The following VCAN variants were observed in gnomAD, a reference collection of about 807,000 sequenced individuals.
VCAN encodes versican core protein.
In VCAN, 44 loss-of-function variants were observed where a neutral mutation model predicts 245.5. That is an observed-to-expected ratio of 0.18 (90% CI 0.14 to 0.23). The LOEUF (loss-of-function observed/expected upper bound fraction) is 0.23, where lower values mean the gene tolerates loss of function less well. VCAN is among the 10% of genes least tolerant of loss of function. The pLI, the probability that VCAN is intolerant of heterozygous loss-of-function variation, is 1.00. For synonymous variants in VCAN, 1,413 were observed against 1,437.0 expected, an observed-to-expected ratio of 0.98 and a Z score of 0.38; for missense variants, 3,793 against 4,057.9, an observed-to-expected ratio of 0.93 and a Z score of 1.77.
intron 7 of VCAN, among the ~76,000 whole-genome samples, chr5:83,526,166 C>T (rs1050296542): frequency 6.6e-6 from 1 of 152,146 alleles, no homozygotes; most frequent in Non-Finnish European, 1.5e-5. Flanking sequence ...GCTTGAACTC[C>T]TGACCTCATG....
At chr5:83,555,448 C>G (rs924047427) in intron 12 of VCAN, among the ~76,000 whole-genome samples, 3 of 152,200 alleles carry the variant, frequency 2.0e-5, no homozygotes, top group Non-Finnish European at 2.9e-5. Flanking sequence ...TAAGGCATGA[C>G]TCATTTCCAA....
chr5:83,493,446 A>G (rs1377569880), intron 3 of VCAN, 100 bp from the exon 4 acceptor site: 1 of 1,392,856 alleles, frequency 7.2e-7, no homozygotes, highest in African/African-American at 1.4e-5. Flanking sequence ...TATTATTACT[A>G]TGTATCCAAC....
rs755032654 is a variant in VCAN at position 83,493,916 on chromosome 5, G to A, written c.733G>A (p.Val245Met). ...PQETYDVYCY[V>M]DHLDGDVFHL... ...GGAAACTTACGATGTGTATTGTTAT[G>A]TGGATCATCTGGATGGTAAGATGTT... is the stretch of plus-strand genomic sequence containing the variant. Residue 245 changes from valine (V) to methionine (M), a missense_variant, in exon 5 of 15, where the codon GTG becomes ATG. Val to Met is a conservative substitution (Grantham distance 21). Transcript: ENST00000265077. 2 of 1,614,126 alleles carry A rather than the reference G, an allele frequency of 1.2e-6. No homozygotes were observed. The highest frequency in any genetic ancestry group is 8.5e-7 in the Non-Finnish European group (1 of 1,179,986).
chr5:83,506,907 G>A (rs1745498677), intron 5 of VCAN, among the ~76,000 whole-genome samples: 1 of 152,122 alleles, frequency 6.6e-6, no homozygotes. Context: ...AAACCCATGA[G>A]ATCTTTTGAG....
At position 83,521,184 on chromosome 5, in the gene VCAN, A is replaced by T. The variant is rs748289715; in HGVS notation, c.2878A>T (p.Thr960Ser). The T allele has an allele frequency of 6.2e-7, 1 of 1,613,266 alleles. No individual in the cohort carries two copies. The highest frequency in any genetic ancestry group is 1.3e-5 in the African/African-American group (1 of 74,902). The change falls in exon 7 of 15, where the codon ACC (threonine) becomes TCC (serine). Residue 960 changes from threonine (T) to serine (S), a missense_variant. Thr to Ser is a moderately conservative substitution (Grantham distance 58). This residue lies in a region of VCAN where 3,182 missense variants were observed against 3,250.3 expected (regional missense o/e 0.98). Transcript: ENST00000265077. ...EGLAFVSYSS[T>S]QEPTTYVDSS... ...ATTAGCATTTGTTAGTTATAGTAGCACCCAAGAGCCTACTACTTATGTAGA... is the reference window on the plus strand; with the variant it reads ...ATTAGCATTTGTTAGTTATAGTAGCTCCCAAGAGCCTACTACTTATGTAGA...
At chr5:83,482,999 T>G (rs564568664) in intron 1 of VCAN, among the ~76,000 whole-genome samples, 11 of 152,248 alleles carry the variant, frequency 7.2e-5, no homozygotes, top group African/African-American at 2.7e-4. Context: ...TTTGGTATTA[T>G]GTGCATGAAC....
chr5:83,520,750 T>G lies in VCAN; in HGVS notation c.2444T>G (p.Leu815Ter), dbSNP rs781299012. Residue 815 changes from leucine to a stop codon, truncating the protein, a stop_gained, in exon 7 of 15, where the codon TTA (leucine) becomes TGA (stop). Coordinates refer to ENST00000265077, the MANE Select transcript of VCAN (RefSeq NM_004385.5). LOFTEE classifies it high-confidence loss of function. ...GAAGATAATACAACATCCAAGCCTT[T>G]AGAGTCTACAGAACCTTCAGCCTCT... ...WDEDNTTSKP[L>*]ESTEPSASSK... is the part of the protein sequence containing the mutation. 6.2e-7 allele frequency: 1 copy of G among 1,614,160 alleles called. No individual in the cohort carries two copies. The highest frequency in any genetic ancestry group is 1.1e-5 in the South Asian group (1 of 91,088).
chr5:83,542,531 A>G (rs1006368119), intron 8 of VCAN, among the ~76,000 whole-genome samples: 1 of 152,210 alleles, frequency 6.6e-6, no homozygotes, highest in African/African-American at 2.4e-5. Flanking sequence ...GGAAAAGATG[A>G]AATTATTAAT....
Position 83,521,115 on chromosome 5 carries a change from G to A in VCAN, c.2809G>A (p.Val937Ile). 1 of 1,614,106 alleles carries A rather than the reference G, an allele frequency of 6.2e-7. No homozygotes were observed. The highest frequency in any genetic ancestry group is 8.5e-7 in the Non-Finnish European group (1 of 1,179,996). ...EVEDVDLSKP[V>I]STVPQFAHTS... is the part of the protein sequence containing the mutation. ...AGAAGATGTGGACCTCTCTAAGCCA[G>A]TATCTACTGTTCCCCAATTTGCACA... Residue 937 changes from valine to isoleucine, a missense_variant, in exon 7 of 15, where the codon GTA (valine) becomes ATA (isoleucine). Val to Ile is a conservative substitution (Grantham distance 29). Around this residue, in one of 5 missense-constraint regions of VCAN, gnomAD observed 3,182 missense variants for 3,250.3 expected, o/e 0.98. Transcript: ENST00000265077.
chr5:83,539,550 C>A lies in VCAN; in HGVS notation c.6547C>A (p.Pro2183Thr). Reference sequence around the variant, plus strand: ...CACTTCTTTAGTTAACATGTCTACTCCAGATCCAGATGCAAATGGCTTGGA... The same window carrying A: ...CACTTCTTTAGTTAACATGTCTACTACAGATCCAGATGCAAATGGCTTGGA... ...EDTSLVNMST[P>T]DPDANGLESY... Residue 2183 changes from proline to threonine, a missense_variant, in exon 8 of 15, where the codon CCA becomes ACA. Physicochemically the swap from Pro to Thr is conservative, Grantham distance 38. Transcript: ENST00000265077. 1 of 1,614,040 alleles carries A rather than the reference C, an allele frequency of 6.2e-7. No individual in the cohort carries two copies. Among genetic ancestry groups the A allele is most frequent in the Non-Finnish European group, 8.5e-7 (1 of 1,179,978 alleles).
intron 5 of VCAN, 56 bp downstream of exon 5, chr5:83,493,987 C>CAGA: frequency 6.2e-7 from 1 of 1,612,130 alleles, no homozygotes; most frequent in African/African-American, 1.3e-5. Flanking sequence ...GAGGGAAGAC[C>CAGA]AGAAGTTCAT....
intron 10 of VCAN, among the ~76,000 whole-genome samples, chr5:83,551,989 G>A (rs1287675948): frequency 6.6e-6 from 1 of 152,076 alleles, no homozygotes; most frequent in African/African-American, 2.4e-5. Context: ...TTTAATAAAC[G>A]CAAAGCTTCC....
rs989420045 is a variant in VCAN at position 83,540,790 on chromosome 5, A to T, written c.7787A>T (p.Asp2596Val). ...GAAGACATTCTTGGAATGCAAACAGATATAGATACAGAGGTACCATCAGAA... is the reference window on the plus strand; with the variant it reads ...GAAGACATTCTTGGAATGCAAACAGTTATAGATACAGAGGTACCATCAGAA... ...VYEDILGMQTDIDTEVPSEPH... is the reference protein window; with the variant it reads ...VYEDILGMQTVIDTEVPSEPH... The change falls in exon 8 of 15, where the codon GAT (aspartate) becomes GTT (valine). Residue 2596 changes from aspartate to valine, a missense_variant. Physicochemically the swap from Asp to Val is radical, Grantham distance 152. This residue lies in a region of VCAN where 3,182 missense variants were observed against 3,250.3 expected (regional missense o/e 0.98). Transcript: ENST00000265077. 4 of 1,613,928 alleles carry T rather than the reference A, an allele frequency of 2.5e-6. No individual in the cohort carries two copies. Among genetic ancestry groups the T allele is most frequent in the African/African-American group, 1.3e-5 (1 of 74,942 alleles).
chr5:83,551,542 A>G (rs1747471465), intron 10 of VCAN, among the ~76,000 whole-genome samples: 2 of 152,086 alleles, frequency 1.3e-5, no homozygotes, highest in East Asian at 3.9e-4. Context: ...AAGACAAAAA[A>G]GGGGAAACCA....
intron 6 of VCAN, 34 bp from the exon 7 acceptor site, chr5:83,519,315 T>G: frequency 6.2e-7 from 1 of 1,610,194 alleles, no homozygotes; most frequent in Non-Finnish European, 8.5e-7. Context: ...TATTAGTGAC[T>G]TGTCTAATCA....
intron 13 of VCAN, among the ~76,000 whole-genome samples, chr5:83,577,623 C>A (rs570524541): frequency 6.6e-6 from 1 of 152,238 alleles, no homozygotes; most frequent in South Asian, 2.1e-4. Flanking sequence ...TGACACTATC[C>A]TGAAGTCATA....
At chr5:83,476,516 A>G (rs1300975353) in intron 1 of VCAN, among the ~76,000 whole-genome samples, 1 of 152,162 alleles carries the variant, frequency 6.6e-6, no homozygotes, top group Non-Finnish European at 1.5e-5. Context: ...ATAGGTCTGT[A>G]TTTTACCAGA....
At chr5:83,572,309 A>G (rs1748316172) in intron 12 of VCAN, 107 bp from the exon 13 acceptor site, 1 of 1,365,748 alleles carries the variant, frequency 7.3e-7, no homozygotes, top group Non-Finnish European at 1.0e-6. Context: ...ATATGAAACA[A>G]CAGAAATTGT....
intron 2 of VCAN, among the ~76,000 whole-genome samples, chr5:83,488,363 A>G (rs1325306390): frequency 6.6e-6 from 1 of 152,218 alleles, no homozygotes; most frequent in Non-Finnish European, 1.5e-5. Context: ...AACTGAAAAG[A>G]ACACTTCTTT....
Sources: gnomAD v4.1 joint callset for allele counts (sites outside exome capture counted in the v4.1 genomes callset) on GRCh38, gnomAD v4.1.1 for gene constraint, gnomAD v4.1.1 regional missense constraint, MANE v1.5 for transcripts, NCBI Gene and HGNC (gene_info 2026-07-23, HGNC 2026-07-21) for gene names.